The following SMARCA2 variants were observed in gnomAD, a reference collection of about 807,000 sequenced individuals.
SMARCA2 encodes SWI/SNF related BAF chromatin remodeling complex subunit ATPase 2.
In SMARCA2, 61 loss-of-function variants were observed where a neutral mutation model predicts 199.8. The observed-to-expected ratio is 0.31, with a 90% CI of 0.25 to 0.38. The LOEUF (loss-of-function observed/expected upper bound fraction) is 0.38. Among genes scored for constraint, SMARCA2 ranks in the 10% least tolerant of loss-of-function variants. SMARCA2 has a pLI of 1.00. For synonymous variants in SMARCA2, 935 were observed against 732.0 expected (o/e 1.28, Z -4.48); for missense variants, 1,344 against 2,012.2 (o/e 0.67, Z 6.35).
At chr9:2,034,507 A>G (rs1387359378) in intron 3 of SMARCA2, among the ~76,000 whole-genome samples, 1 of 152,238 alleles carries the variant, frequency 6.6e-6, no homozygotes, top group East Asian at 1.9e-4. Context: ...ATTTCAACAT[A>G]TGACGGACAT....
chr9:2,158,899 T>C, intron 27 of SMARCA2: 1 of 1,602,712 alleles, frequency 6.2e-7, no homozygotes, highest in Non-Finnish European at 8.5e-7. Flanking sequence ...ATGGATGTGT[T>C]TGGGGTCTTT....
intron 31 of SMARCA2, among the ~76,000 whole-genome samples, chr9:2,184,980 A>G (rs934613154): frequency 6.6e-6 from 1 of 152,002 alleles, no homozygotes; most frequent in African/African-American, 2.4e-5. Flanking sequence ...AATAAAAGGA[A>G]TATGTTCCTA....
intron 25 of SMARCA2, among the ~76,000 whole-genome samples, chr9:2,117,743 C>T (rs951791148): frequency 3.9e-5 from 6 of 152,214 alleles, no homozygotes; most frequent in Admixed American, 1.3e-4. Flanking sequence ...TGGGGCCTGA[C>T]GTGCACTCCC....
intron 1 of SMARCA2, among the ~76,000 whole-genome samples, 158 bp from the exon 2 acceptor site, chr9:2,028,829 G>A (rs566546008): frequency 5.3e-5 from 8 of 152,246 alleles, no homozygotes; most frequent in Admixed American, 4.6e-4. Context: ...TAGGGCAGAC[G>A]GATGTATATC....
Position 2,119,967 on chromosome 9 carries a change from A to G in SMARCA2, c.3762+432A>G, listed in dbSNP as rs1304347211. Among the ~76,000 whole-genome samples the G allele has an allele frequency of 6.6e-6, 1 of 152,220 alleles. No homozygotes were observed. The highest frequency in any genetic ancestry group is 2.4e-5 in the African/African-American group (1 of 41,446). ...TTCAGGAAGCCTACCTGGCTCCTATAGGCATTGGAACTTACAACAGTGCCC... is the reference window on the plus strand; with the variant it reads ...TTCAGGAAGCCTACCTGGCTCCTATGGGCATTGGAACTTACAACAGTGCCC... On this transcript the variant is annotated intron_variant, in intron 26 of 33. Coordinates refer to ENST00000349721, the MANE Select transcript of SMARCA2 (RefSeq NM_003070.5). The surrounding 1 kb of genome is among the most constrained non-coding windows in gnomAD (Gnocchi z 4.6).
At chr9:2,122,253 T>C (rs1382497955) in intron 26 of SMARCA2, among the ~76,000 whole-genome samples, 2 of 152,220 alleles carry the variant, frequency 1.3e-5, no homozygotes, top group Non-Finnish European at 2.9e-5. Context: ...TTTTTTGCTG[T>C]AGATAATAGT....
At position 2,080,714 on chromosome 9, in the gene SMARCA2, A is replaced by G. The variant is rs368349462; in HGVS notation, c.2185-1118A>G. Among the ~76,000 whole-genome samples the G allele has an allele frequency of 5.9e-5, 9 of 152,306 alleles. No homozygotes were observed. The East Asian group carries it at 1.2e-3, about 20-fold the overall frequency. On this transcript the variant is annotated intron_variant, in intron 14 of 33. Transcript: ENST00000349721. ...GACTTTGGAATCTTGCATGGTACAAAGTATCTCAAGTGGCTTATGGAAGTA... is the reference window on the plus strand; with the variant it reads ...GACTTTGGAATCTTGCATGGTACAAGGTATCTCAAGTGGCTTATGGAAGTA...
chr9:2,076,197 T>C (rs1239327087), intron 12 of SMARCA2, 32 bp from the exon 13 acceptor site: 2 of 1,173,156 alleles, frequency 1.7e-6, no homozygotes, highest in Non-Finnish European at 2.6e-6. Context: ...TGTTAAAATA[T>C]AATTTCCTCC....
intron 27 of SMARCA2, chr9:2,160,211 CT>C (rs147266408): frequency 0.26 from 70,612 of 270,086 alleles, 2,863 homozygotes; most frequent in South Asian, 0.39. Flanking sequence ...TAATGTGAAG[CT>C]TTTTTTTTTT....
At chr9:2,149,150 C>T (rs1430069890) in intron 27 of SMARCA2, among the ~76,000 whole-genome samples, 1 of 151,268 alleles carries the variant, frequency 6.6e-6, no homozygotes, top group Non-Finnish European at 1.5e-5. Context: ...GCTGGGGAGG[C>T]CTCAGAATCA....
chr9:2,073,480 G>A (rs1307712986), intron 11 of SMARCA2, 86 bp from the exon 12 acceptor site: 1 of 1,452,836 alleles, frequency 6.9e-7, no homozygotes, highest in African/African-American at 1.4e-5. Context: ...TTTATACATA[G>A]AATGTGCTAT....
chr9:2,071,485 G>C (rs1821085601), intron 10 of SMARCA2, among the ~76,000 whole-genome samples: 1 of 152,208 alleles, frequency 6.6e-6, no homozygotes, highest in African/African-American at 2.4e-5. Flanking sequence ...TAATTAACAA[G>C]CACACAGGGA....
At chr9:2,118,230 T>C (rs1823297541) in intron 25 of SMARCA2, among the ~76,000 whole-genome samples, 1 of 152,218 alleles carries the variant, frequency 6.6e-6, no homozygotes, top group Non-Finnish European at 1.5e-5. Flanking sequence ...TCCCAGCTAG[T>C]CTGTGTCCTT....
Position 2,177,524 on chromosome 9 carries a change from TA to T in SMARCA2, c.4254-4043del, listed in dbSNP as rs556092144. 2.6e-3 allele frequency among the ~76,000 whole-genome samples: 399 copies of T among 152,250 alleles called. 1 individual carries two copies. Among genetic ancestry groups the T allele is most frequent in the Non-Finnish European group, 3.4e-3 (229 of 68,010 alleles). On this transcript the variant is annotated intron_variant, in intron 29 of 33. Coordinates refer to ENST00000349721, the MANE Select transcript of SMARCA2 (RefSeq NM_003070.5). ...GCCTGGTCCTGGAAAAAAAAATCATTAAAAGACATAACCAGTATTCTAGAAG... is the reference window on the plus strand; with the variant it reads ...GCCTGGTCCTGGAAAAAAAAATCATTAAAGACATAACCAGTATTCTAGAAG...
chr9:2,060,689 C>T (rs553394598), intron 8 of SMARCA2, 127 bp from the exon 9 acceptor site: 599 of 782,428 alleles, frequency 7.7e-4, no homozygotes, highest in Admixed American at 1.4e-3. Flanking sequence ...CTTGAACAGC[C>T]CAACTCATCC....
At chr9:2,092,205 C>T (rs1822091084) in intron 19 of SMARCA2, among the ~76,000 whole-genome samples, 1 of 152,166 alleles carries the variant, frequency 6.6e-6, no homozygotes. Flanking sequence ...TTGCAATTGG[C>T]TGGGTATTTC....
intron 29 of SMARCA2, among the ~76,000 whole-genome samples, chr9:2,179,918 G>A (rs2129854537): frequency 6.6e-6 from 1 of 152,298 alleles, no homozygotes; most frequent in Non-Finnish European, 1.5e-5. Flanking sequence ...GCATTTCATA[G>A]GCACCTTTTC....
Position 2,017,975 on chromosome 9 carries a change from AG to A in SMARCA2, c.-37+2576del, listed in dbSNP as rs1351236701. The stretch of plus-strand genomic sequence containing the variant: ...AAACTTTCCAGCGGGAGGCACCATG[AG>A]GGGGAAGAAGGCCTTGCTGGCCGCT... On this transcript the variant is annotated intron_variant, in intron 1 of 33. Transcript: ENST00000349721. This position sits in a 1 kb window ranked among gnomAD's most constrained non-coding sequence, Gnocchi z 8.8. 6.6e-6 allele frequency: 1 copy of A among 152,188 alleles called. No individual in the cohort carries two copies. The highest frequency in any genetic ancestry group is 1.5e-5 in the Non-Finnish European group (1 of 68,070). The allele number at this position is 152,188 out of a possible 1,614,324, so 9.4% of individuals were successfully genotyped here.
intron 32 of SMARCA2, among the ~76,000 whole-genome samples, chr9:2,186,947 G>A (rs1431544948): frequency 6.6e-6 from 1 of 152,222 alleles, no homozygotes; most frequent in Non-Finnish European, 1.5e-5. Context: ...TGGAGGGCTT[G>A]AAGAATATGC....
Sources: allele counts gnomAD v4.1 joint callset (sites outside exome capture counted in the v4.1 genomes callset), GRCh38; gene constraint gnomAD v4.1.1; non-coding constraint Gnocchi (gnomAD v3.1); transcripts MANE v1.5; gene names NCBI Gene and HGNC (gene_info 2026-07-23, HGNC 2026-07-21).